Variants in HEATR3 observed in about 807,000 individuals in gnomAD.
HEATR3 encodes the protein HEAT repeat-containing protein 3.
A neutral mutation model predicts 72.8 loss-of-function variants in HEATR3; 56 were observed. The ratio of observed to expected loss-of-function variants is 0.77; its 90% CI spans 0.62 to 0.96. The LOEUF (loss-of-function observed/expected upper bound fraction) is 0.96, where lower values mean the gene tolerates loss of function less well. Among genes scored for constraint, HEATR3 ranks in the 40% least tolerant of loss-of-function variants. The probability of loss-of-function intolerance (pLI) is 0.00; values close to 1 mark genes in which losing one functional copy is unlikely to be tolerated. For missense variants in HEATR3, 747 were observed against 831.4 expected, an observed-to-expected ratio of 0.90 and a Z score of 1.25; for synonymous variants, 331 against 318.1, an observed-to-expected ratio of 1.04 and a Z score of -0.43.
chr16:50,066,612 G>C (rs1269675676), intron 2 of HEATR3, 73 bp downstream of exon 2: 27 of 1,222,452 alleles, frequency 2.2e-5, no homozygotes, highest in Non-Finnish European at 2.8e-5. Context: ...CGGTCGCAGC[G>C]GTCACCCAGC....
chr16:50,104,178 C>CA (rs1464981690), intron 14 of HEATR3, among the ~76,000 whole-genome samples: 1 of 152,056 alleles, frequency 6.6e-6, no homozygotes, highest in Non-Finnish European at 1.5e-5. Flanking sequence ...AGTGAGACCC[C>CA]ACCTCTACTA....
At chr16:50,103,959 T>C (rs1330353041) in intron 14 of HEATR3, among the ~76,000 whole-genome samples, 1 of 151,738 alleles carries the variant, frequency 6.6e-6, no homozygotes, top group Non-Finnish European at 1.5e-5. Flanking sequence ...AGTGCAGGAG[T>C]TGGAGGCTAC....
chr16:50,079,062 T>G (rs1567432045), intron 7 of HEATR3, 44 bp downstream of exon 7: 5 of 1,356,696 alleles, frequency 3.7e-6, no homozygotes, highest in Non-Finnish European at 4.7e-6. Context: ...ATACAGCTGT[T>G]TTTTTTTTCC....
intron 5 of HEATR3, chr16:50,073,271 A>G (rs1163599465): frequency 6.5e-6 from 1 of 153,116 alleles, no homozygotes; most frequent in African/African-American, 2.4e-5. Context: ...TGGGCTGGGG[A>G]ACCACTGGGG....
Position 50,092,663 on chromosome 16 carries a change from T to C in HEATR3, c.1511-2042T>C, listed in dbSNP as rs180690216. On this transcript the variant is annotated intron_variant, in intron 11 of 14. Transcript: ENST00000299192. ...TCACCGTGTTAGCCAGGGATGGTCT[T>C]GATCTCCTGACCTCATGATCGGCCC... Among the ~76,000 whole-genome samples the C allele has an allele frequency of 6.3e-3, 951 of 151,940 alleles. 40 individuals are homozygous for C. The highest frequency in any genetic ancestry group is 0.056 in the Admixed American group (857 of 15,248).
At position 50,068,850 on chromosome 16, in the gene HEATR3, G is replaced by T; in HGVS notation, c.382G>T (p.Val128Phe). Residue 128 changes from valine (V) to phenylalanine (F), a missense_variant, in exon 3 of 15, where the codon GTT becomes TTT. This residue lies in a region of HEATR3 where 586 missense variants were observed against 708.8 expected (regional missense o/e 0.83). Transcript: ENST00000299192. ...MVTKDIMTPL[V>F]ALLKECSAGL... ...GACTAAGGATATCATGACCCCTCTG[G>T]TTGCGCTGCTAAAAGAGGTATGCAG... 6.2e-7 allele frequency: 1 copy of T among 1,613,360 alleles called. No individual in the cohort carries two copies. Among genetic ancestry groups the T allele is most frequent in the South Asian group, 1.1e-5 (1 of 91,020 alleles).
At chr16:50,084,718 A>G in intron 10 of HEATR3, 67 bp downstream of exon 10, 2 of 1,252,184 alleles carry the variant, frequency 1.6e-6, no homozygotes, top group Non-Finnish European at 2.3e-6. Flanking sequence ...GGGCTATTAA[A>G]TAGAAGGTGC....
Position 50,100,381 on chromosome 16 carries a change from A to T in HEATR3, c.1743+8A>T. On this transcript the variant is annotated splice_region_variant and intron_variant, in intron 13 of 14. Transcript: ENST00000299192. ...ACACTTGAAACTCTTAAGGTAAAAC[A>T]ATTTGCTTCTGACCTAACATGTTAA... The T allele has an allele frequency of 6.2e-7, 1 of 1,613,292 alleles. No individual in the cohort carries two copies. Among genetic ancestry groups the T allele is most frequent in the Non-Finnish European group, 8.5e-7 (1 of 1,179,526 alleles).
rs112442190 is a variant in HEATR3 at position 50,106,857 on chromosome 16, G to T, written c.*1796G>T. 6.6e-6 allele frequency among the ~76,000 whole-genome samples: 1 copy of T among 152,104 alleles called. No homozygotes were observed. The highest frequency in any genetic ancestry group is 1.5e-5 in the Non-Finnish European group (1 of 68,034). On this transcript the variant is annotated 3_prime_UTR_variant, in exon 15 of 15. Coordinates refer to ENST00000299192, the MANE Select transcript of HEATR3 (RefSeq NM_182922.4). Reference sequence around the variant, plus strand: ...TATAGACTGTTGGGAAACCAAGATTGTTTCCCAGCCCTAAGAGTTCCTAGC... The same window carrying T: ...TATAGACTGTTGGGAAACCAAGATTTTTTCCCAGCCCTAAGAGTTCCTAGC...
At chr16:50,068,643 C>G (rs927450180) in intron 2 of HEATR3, 137 bp from the exon 3 acceptor site, 1 of 667,880 alleles carries the variant, frequency 1.5e-6, no homozygotes, top group African/African-American at 1.8e-5. Context: ...TGGATTGGTT[C>G]TGCAGCGTAT....
In HEATR3 at chr16:50,105,254, C is replaced by G; in HGVS notation, c.*193C>G. The G allele has an allele frequency of 4.0e-6, 2 of 503,984 alleles. No homozygotes were observed. Among genetic ancestry groups the G allele is most frequent in the Non-Finnish European group, 6.8e-6 (2 of 294,606 alleles). The allele number at this position is 503,984 out of a possible 1,614,324, so 31.2% of individuals were successfully genotyped here. ...ATCCCAGCACCTTGGGAGACCGAGG[C>G]GGGTGGATCACTTGAGGTCAGGAGT... On this transcript the variant is annotated 3_prime_UTR_variant, in exon 15 of 15. Coordinates refer to ENST00000299192, the MANE Select transcript of HEATR3 (RefSeq NM_182922.4).
chr16:50,070,804 G>A lies in HEATR3; in HGVS notation c.512+514G>A, dbSNP rs118108030. On this transcript the variant is annotated intron_variant, in intron 4 of 14. Coordinates refer to ENST00000299192, the MANE Select transcript of HEATR3 (RefSeq NM_182922.4). Reference sequence around the variant, plus strand: ...TGCATCACTACATCTTTTGTTTTACGGCTTTCCTCTCCAGTCATTGCATCT... The same window carrying A: ...TGCATCACTACATCTTTTGTTTTACAGCTTTCCTCTCCAGTCATTGCATCT... 1.1e-3 allele frequency among the ~76,000 whole-genome samples: 172 copies of A among 152,018 alleles called. 2 individuals are homozygous for A. In the East Asian group the frequency reaches 0.031, roughly 28 times the overall value.
At position 50,084,239 on chromosome 16, in the gene HEATR3, G is replaced by A; in HGVS notation, c.1238G>A (p.Cys413Tyr). 2 of 1,614,048 alleles carry A rather than the reference G, an allele frequency of 1.2e-6. No homozygotes were observed. The highest frequency in any genetic ancestry group is 1.7e-6 in the Non-Finnish European group (2 of 1,180,014). Residue 413 changes from cysteine to tyrosine, a missense_variant, in exon 9 of 15, where the codon TGC (cysteine) becomes TAC (tyrosine). By Grantham distance (194) the Cys-to-Tyr change is radical. Transcript: ENST00000299192. The part of the protein sequence containing the change: ...ECGGQLFSPL[C>Y]LSHEVHTALT... ...GGGGGACAGCTGTTTTCTCCCCTCTGCCTCTCCCATGAAGTTCACACGGCT... is the reference window on the plus strand; with the variant it reads ...GGGGGACAGCTGTTTTCTCCCCTCTACCTCTCCCATGAAGTTCACACGGCT...
At chr16:50,089,300 A>T (rs554027871) in intron 11 of HEATR3, among the ~76,000 whole-genome samples, 1 of 151,916 alleles carries the variant, frequency 6.6e-6, no homozygotes, top group African/African-American at 2.4e-5. Context: ...GATGATATTT[A>T]TGTAGAAATC....
chr16:50,081,886 G>T (rs1036913945), intron 7 of HEATR3, among the ~76,000 whole-genome samples: 1 of 152,124 alleles, frequency 6.6e-6, no homozygotes, highest in Non-Finnish European at 1.5e-5. Context: ...TTCCCGTCAC[G>T]CTGTCTTTTC....
In HEATR3 at chr16:50,066,444, C is replaced by G. The variant is rs767868663; in HGVS notation, c.216C>G (p.Leu72=). Residue 72 remains leucine (L), a synonymous_variant, in exon 2 of 15, where the codon CTC becomes CTG. Coordinates refer to ENST00000299192, the MANE Select transcript of HEATR3 (RefSeq NM_182922.4). ...GGCTGGTGCAGCAGCGGCCGGCACT[C>G]CCGGGCCTGGCGCGACGAGACGCCG... The part of the protein sequence containing the change: ...LARLVQQRPA[L]PGLARRDAVR... The G allele has an allele frequency of 8.0e-5, 114 of 1,416,418 alleles. No individual in the cohort carries two copies. The South Asian group carries it at 1.7e-3, about 21-fold the overall frequency. 87.7% of individuals were successfully genotyped at this position (1,416,418 alleles called of 1,614,324 possible). A position where few individuals can be genotyped will look rare whatever the true frequency, so the allele number is the denominator to read the frequency against.
At chr16:50,081,422 G>A (rs1195031662) in intron 7 of HEATR3, among the ~76,000 whole-genome samples, 1 of 152,158 alleles carries the variant, frequency 6.6e-6, no homozygotes, top group Admixed American at 6.5e-5. Context: ...TCCAGCCTGG[G>A]CAACTGAGCG....
At chr16:50,082,467 G>A (rs1406552194) in intron 7 of HEATR3, among the ~76,000 whole-genome samples, 4 of 151,896 alleles carry the variant, frequency 2.6e-5, no homozygotes, top group Non-Finnish European at 5.9e-5. Flanking sequence ...AGTTGAATTA[G>A]CACACACACA....
chr16:50,093,158 A>G (rs78895728), intron 11 of HEATR3, among the ~76,000 whole-genome samples: 1 of 152,286 alleles, frequency 6.6e-6, no homozygotes, highest in African/African-American at 2.4e-5. Flanking sequence ...ATCAGCCGGG[A>G]TTAGAATTTG....
Sources: gnomAD v4.1 joint callset for allele counts (sites outside exome capture counted in the v4.1 genomes callset) on GRCh38, gnomAD v4.1.1 for gene constraint, gnomAD v4.1.1 regional missense constraint, MANE v1.5 for transcripts, NCBI Gene and HGNC (gene_info 2026-07-23, HGNC 2026-07-21) for gene names.